Variants in C10orf143 observed in about 807,000 individuals in gnomAD.
The protein encoded by C10orf143 is chromosome 10 open reading frame 143.
intron 3 of C10orf143, among the ~76,000 whole-genome samples, chr10:130,054,883 T>C (rs767601450): frequency 1.3e-5 from 2 of 152,172 alleles, no homozygotes; most frequent in African/African-American, 2.4e-5. Context: ...ACCAATGGAA[T>C]AGAGTCAAGA....
At chr10:130,075,988 T>G (rs1455221662) in intron 3 of C10orf143, among the ~76,000 whole-genome samples, 3 of 74,152 alleles carry the variant, frequency 4.0e-5, no homozygotes, top group African/African-American at 1.4e-4. Context: ...TGTTTGTTTG[T>G]TTGTTTTTTT....
intron 1 of C10orf143, among the ~76,000 whole-genome samples, chr10:130,094,799 C>A (rs758371019): frequency 6.6e-6 from 1 of 152,174 alleles, no homozygotes; most frequent in African/African-American, 2.4e-5. Flanking sequence ...TGGAAGCATT[C>A]CCTTTGAAAA....
intron 3 of C10orf143, among the ~76,000 whole-genome samples, chr10:130,079,055 C>T (rs1861163880): frequency 6.6e-6 from 1 of 150,638 alleles, no homozygotes; most frequent in South Asian, 2.1e-4. Context: ...TGATATTCTG[C>T]CCAGTAGAAG....
intron 3 of C10orf143, among the ~76,000 whole-genome samples, chr10:130,072,216 C>T (rs1861044856): frequency 6.6e-6 from 1 of 152,230 alleles, no homozygotes; most frequent in Non-Finnish European, 1.5e-5. Flanking sequence ...TTAATGGTCA[C>T]AGCTTTGTAA....
intron 3 of C10orf143, among the ~76,000 whole-genome samples, chr10:130,052,541 C>T (rs547068031): frequency 2.6e-5 from 4 of 152,338 alleles, no homozygotes; most frequent in East Asian, 3.9e-4. Flanking sequence ...TTTGAGGAGG[C>T]TGCCCCAGCC....
At chr10:130,040,856 G>A (rs546953566) in intron 3 of C10orf143, among the ~76,000 whole-genome samples, 2 of 151,766 alleles carry the variant, frequency 1.3e-5, no homozygotes, top group South Asian at 4.2e-4. Context: ...AGAATGAAGG[G>A]ACCACAGTGG....
intron 3 of C10orf143, among the ~76,000 whole-genome samples, chr10:130,048,574 G>A (rs749035212): frequency 2.0e-5 from 3 of 152,142 alleles, no homozygotes; most frequent in South Asian, 2.1e-4. Context: ...GAATTGAGAC[G>A]TGCAGGGACC....
chr10:130,081,904 T>C (rs1013439560), intron 1 of C10orf143, among the ~76,000 whole-genome samples: 1 of 126,816 alleles, frequency 7.9e-6, no homozygotes, highest in Non-Finnish European at 1.7e-5. Context: ...AAAATCCCAG[T>C]AAACTATTTT....
chr10:130,041,590 T>G (rs1316208624), intron 3 of C10orf143, among the ~76,000 whole-genome samples: 1 of 152,132 alleles, frequency 6.6e-6, no homozygotes, highest in East Asian at 1.9e-4. Flanking sequence ...AACTTATGAG[T>G]TTTAACACTT....
At chr10:130,094,361 C>G (rs896169439) in intron 1 of C10orf143, among the ~76,000 whole-genome samples, 1 of 152,188 alleles carries the variant, frequency 6.6e-6, no homozygotes, top group African/African-American at 2.4e-5. Context: ...AGGGACTCCT[C>G]TCTAACTCAT....
Position 130,076,799 on chromosome 10 carries a change from G to A in C10orf143, c.297+2767C>T, listed in dbSNP as rs140417394. Among the ~76,000 whole-genome samples the A allele has an allele frequency of 1.5e-3, 228 of 152,260 alleles. 1 individual carries two copies. The highest frequency in any genetic ancestry group is 6.8e-3 in the Middle Eastern group (2 of 294). On this transcript the variant is annotated intron_variant, in intron 3 of 3. Coordinates refer to ENST00000637128, the MANE Select transcript of C10orf143 (RefSeq NM_001355042.2). Reference sequence around the variant, plus strand: ...GTGCACACGCAAGCCGCGCGATCCGGGAATGGAAGCCTGCAGCCTAGGTGA... The same window carrying A: ...GTGCACACGCAAGCCGCGCGATCCGAGAATGGAAGCCTGCAGCCTAGGTGA...
chr10:130,107,494 A>G (rs759988733), intron 1 of C10orf143: 1 of 1,407,494 alleles, frequency 7.1e-7, no homozygotes, highest in South Asian at 1.2e-5. Flanking sequence ...CTCACAACAG[A>G]CAAAAATTAG....
intron 1 of C10orf143, among the ~76,000 whole-genome samples, chr10:130,102,694 C>A (rs772948825): frequency 1.3e-5 from 2 of 152,318 alleles, no homozygotes; most frequent in South Asian, 4.1e-4. Flanking sequence ...CCTTGCAGTT[C>A]TATCAGTTTT....
chr10:130,050,422 A>C (rs1345069857), intron 3 of C10orf143, among the ~76,000 whole-genome samples: 2 of 152,228 alleles, frequency 1.3e-5, no homozygotes, highest in Non-Finnish European at 2.9e-5. Flanking sequence ...CAGACGTGGC[A>C]GCGTGCGCCT....
downstream of C10orf143, among the ~76,000 whole-genome samples, chr10:130,059,898 G>C (rs1262121483): frequency 6.6e-6 from 1 of 152,156 alleles, no homozygotes; most frequent in Non-Finnish European, 1.5e-5. Flanking sequence ...TCAAAAGCTA[G>C]CTATTTCATG....
chr10:130,069,067 A>C (rs1822561670), intron 3 of C10orf143, among the ~76,000 whole-genome samples: 1 of 152,240 alleles, frequency 6.6e-6, no homozygotes, highest in African/African-American at 2.4e-5. Context: ...AACTTCCACT[A>C]GCATGAACCC....
intron 1 of C10orf143, among the ~76,000 whole-genome samples, chr10:130,095,156 A>G (rs946285496): frequency 3.3e-5 from 5 of 151,400 alleles, no homozygotes; most frequent in Non-Finnish European, 7.3e-5. Context: ...ATACCTAGGA[A>G]TCCAACTTAC....
intron 1 of C10orf143, among the ~76,000 whole-genome samples, chr10:130,090,293 A>G (rs974341115): frequency 3.9e-5 from 6 of 152,186 alleles, no homozygotes; most frequent in African/African-American, 1.4e-4. Flanking sequence ...GCATCGCCTA[A>G]CCCGGGAAGC....
At chr10:130,072,320 C>A (rs1861046491) in intron 3 of C10orf143, among the ~76,000 whole-genome samples, 2 of 150,400 alleles carry the variant, frequency 1.3e-5, no homozygotes, top group South Asian at 4.2e-4. Flanking sequence ...CTGGAAAATT[C>A]TCAGCCATTA....
Sources: gnomAD v4.1 joint callset for allele counts (sites outside exome capture counted in the v4.1 genomes callset) on GRCh38, gnomAD v4.1.1 for gene constraint, MANE v1.5 for transcripts, NCBI Gene and HGNC (gene_info 2026-07-23, HGNC 2026-07-21) for gene names.